PHF24: variants seen among roughly 807,000 people sequenced by gnomAD.
PHF24 encodes the protein PHD finger protein 24, also known as Galpha inhibitory interacting protein.
PHF24 carries 25 observed loss-of-function variants against 42.6 expected under a neutral mutation model. That is an observed-to-expected ratio of 0.59 (90% CI 0.43 to 0.82). The LOEUF is 0.82. PHF24 is among the 40% of genes least tolerant of loss of function. PHF24 has a pLI of 0.00. For missense variants in PHF24, 470 were observed against 538.1 expected, an observed-to-expected ratio of 0.87 and a Z score of 1.25; for synonymous variants, 185 against 204.8, an observed-to-expected ratio of 0.90 and a Z score of 0.83.
At chr9:34,829,155 T>C in the PHF24 span, among the ~76,000 whole-genome samples, 88 of 152,196 alleles carry the variant, frequency 5.8e-4, no homozygotes, top group Middle Eastern at 0.014. Context: ...ATGGAACGGA[T>C]GTGGACTGTT....
the PHF24 span, among the ~76,000 whole-genome samples, chr9:34,672,830 G>A: frequency 2.6e-5 from 4 of 151,972 alleles, no homozygotes; most frequent in African/African-American, 4.8e-5. Flanking sequence ...TTTAAGAGAC[G>A]AAGTCTCACT....
chr9:34,810,667 C>T, the PHF24 span, among the ~76,000 whole-genome samples: 1 of 152,344 alleles, frequency 6.6e-6, no homozygotes, highest in South Asian at 2.1e-4. Flanking sequence ...TGACTTCCCA[C>T]GGCTCCAAGG....
chr9:34,979,894 A>C (rs1307641184), exon 8 of PHF24: 1 of 152,178 alleles, frequency 6.6e-6, no homozygotes, highest in Non-Finnish European at 1.5e-5. Context: ...CCCAGGATTG[A>C]TCCATAGGAG....
chr9:34,775,321 T>C, the PHF24 span, among the ~76,000 whole-genome samples: 1 of 152,170 alleles, frequency 6.6e-6, no homozygotes, highest in Non-Finnish European at 1.5e-5. Flanking sequence ...TCCACTTATG[T>C]AAGGTACCTA....
the PHF24 span, among the ~76,000 whole-genome samples, chr9:34,915,952 G>A: frequency 3.3e-5 from 5 of 151,908 alleles, no homozygotes; most frequent in East Asian, 1.9e-4. Flanking sequence ...TGCTGTTCTC[G>A]TGGTAGTGAC....
At chr9:34,924,247 G>A in the PHF24 span, among the ~76,000 whole-genome samples, 2 of 152,146 alleles carry the variant, frequency 1.3e-5, no homozygotes, top group Admixed American at 6.5e-5. Flanking sequence ...AATGTTCCAT[G>A]TGCTGAGGAG....
the PHF24 span, among the ~76,000 whole-genome samples, chr9:34,754,588 C>T: frequency 1.3e-5 from 2 of 152,074 alleles, no homozygotes; most frequent in East Asian, 1.9e-4. Flanking sequence ...GAAAAAGGAA[C>T]CCTTGTACAC....
chr9:34,755,080 G>A, the PHF24 span, among the ~76,000 whole-genome samples: 1 of 151,982 alleles, frequency 6.6e-6, no homozygotes, highest in Non-Finnish European at 1.5e-5. Context: ...GAGGGTTGGG[G>A]GGAAGTAGGA....
the PHF24 span, among the ~76,000 whole-genome samples, chr9:34,819,466 T>G: frequency 6.6e-6 from 1 of 152,184 alleles, no homozygotes; most frequent in African/African-American, 2.4e-5. Context: ...TTTAACTGCT[T>G]TAGCTACATA....
At chr9:34,858,031 A>G in the PHF24 span, among the ~76,000 whole-genome samples, 1 of 138,610 alleles carries the variant, frequency 7.2e-6, no homozygotes, top group Non-Finnish European at 1.5e-5. Flanking sequence ...ACTTTAAAAT[A>G]TTTTGTCAGA....
chr9:34,740,420 G>A, the PHF24 span, among the ~76,000 whole-genome samples: 3 of 152,354 alleles, frequency 2.0e-5, no homozygotes, highest in East Asian at 5.8e-4. Flanking sequence ...ATCGAGCGCA[G>A]CGCCGGTGGG....
intron 3 of PHF24, among the ~76,000 whole-genome samples, chr9:34,975,276 A>T (rs1264192890): frequency 2.6e-5 from 4 of 152,234 alleles, no homozygotes; most frequent in African/African-American, 4.8e-5. Flanking sequence ...TCACAGTGTT[A>T]CACACCACTG....
At chr9:34,970,172 T>C (rs1826923972) in intron 1 of PHF24, among the ~76,000 whole-genome samples, 1 of 152,206 alleles carries the variant, frequency 6.6e-6, no homozygotes, top group South Asian at 2.1e-4. Context: ...CCCAGCTGAC[T>C]TCCACTAAGT....
At chr9:34,819,449 T>G in the PHF24 span, among the ~76,000 whole-genome samples, 1 of 152,176 alleles carries the variant, frequency 6.6e-6, no homozygotes, top group Admixed American at 6.5e-5. Context: ...TAAAATTTGT[T>G]TATAAATTTA....
At chr9:34,729,263 C>T in the PHF24 span, 1 of 1,549,206 alleles carries the variant, frequency 6.5e-7, no homozygotes, top group Non-Finnish European at 8.7e-7. Flanking sequence ...TTAATTAGTT[C>T]AGTTGGGATC....
At chr9:34,850,382 A>G in the PHF24 span, among the ~76,000 whole-genome samples, 1,146 of 152,060 alleles carry the variant, frequency 7.5e-3, 21 homozygotes, top group African/African-American at 0.026. Flanking sequence ...CCTTTCTTCC[A>G]GTTGGTCTCA....
At chr9:34,877,148 G>T in the PHF24 span, among the ~76,000 whole-genome samples, 1 of 151,924 alleles carries the variant, frequency 6.6e-6, no homozygotes, top group Non-Finnish European at 1.5e-5. Context: ...GGGTGTGGTG[G>T]CACACGCCTA....
At chr9:34,765,743 A>G in the PHF24 span, among the ~76,000 whole-genome samples, 2 of 152,140 alleles carry the variant, frequency 1.3e-5, no homozygotes, top group Admixed American at 1.3e-4. Flanking sequence ...ACCTGTTGTT[A>G]TGATGTTAGC....
the PHF24 span, among the ~76,000 whole-genome samples, chr9:34,719,602 C>A: frequency 2.3e-4 from 35 of 152,302 alleles, no homozygotes; most frequent in Admixed American, 7.2e-4. Context: ...CTTTAGTTAG[C>A]AGCATGAGCC....
Sources: gnomAD v4.1 joint callset for allele counts (sites outside exome capture counted in the v4.1 genomes callset) on GRCh38, gnomAD v4.1.1 for gene constraint, MANE v1.5 for transcripts, NCBI Gene and HGNC (gene_info 2026-07-23, HGNC 2026-07-21) for gene names.